The following GALNT18 variants were observed in gnomAD, a reference collection of about 807,000 sequenced individuals.
GALNT18 encodes GalNAc-transferase 18.
A neutral mutation model predicts 69.5 loss-of-function variants in GALNT18; 44 were observed. The observed-to-expected ratio is 0.63, with a 90% CI of 0.50 to 0.81. GALNT18 has a LOEUF of 0.81. GALNT18 is among the 40% of genes least tolerant of loss of function. The probability of loss-of-function intolerance (pLI) is 0.00; values close to 1 mark genes in which losing one functional copy is unlikely to be tolerated. For synonymous variants in GALNT18, 364 were observed against 318.2 expected (o/e 1.14, Z -1.53); for missense variants, 715 against 810.0 (o/e 0.88, Z 1.42).
At chr11:11,280,706 C>T (rs1233446213) in intron 10 of GALNT18, among the ~76,000 whole-genome samples, 1 of 152,204 alleles carries the variant, frequency 6.6e-6, no homozygotes, top group African/African-American at 2.4e-5. Flanking sequence ...CCCCTCAGGA[C>T]TGACCACAGT....
rs1857169902 is a variant in GALNT18 at position 11,511,738 on chromosome 11, A to G, written c.236-62802T>C. Among the ~76,000 whole-genome samples, 4 of 152,150 alleles carry G rather than the reference A, an allele frequency of 2.6e-5. No individual in the cohort carries two copies. The highest frequency in any genetic ancestry group is 2.6e-4 in the Admixed American group (4 of 15,286). On this transcript the variant is annotated intron_variant, in intron 1 of 10. Transcript: ENST00000227756. The surrounding 1 kb of genome is among the most constrained non-coding windows in gnomAD (Gnocchi z 4.9). The stretch of plus-strand genomic sequence containing the variant: ...ATGGTATATTGGTGCCCTTCTAAGA[A>G]GAGGCCAGAGAGCTCTCCCAGTCTC...
intron 3 of GALNT18, among the ~76,000 whole-genome samples, chr11:11,426,257 C>T (rs1488860840): frequency 6.6e-6 from 1 of 152,234 alleles, no homozygotes; most frequent in Non-Finnish European, 1.5e-5. Context: ...TGCCATATCC[C>T]TGGGATGCAA....
intron 1 of GALNT18, among the ~76,000 whole-genome samples, chr11:11,580,286 G>C (rs766285887): frequency 6.6e-6 from 1 of 152,094 alleles, no homozygotes; most frequent in African/African-American, 2.4e-5. Context: ...TTCTCAATCC[G>C]ACAGCAAGGA....
intron 1 of GALNT18, among the ~76,000 whole-genome samples, chr11:11,527,933 G>A (rs988243509): frequency 6.6e-6 from 1 of 152,222 alleles, no homozygotes; most frequent in African/African-American, 2.4e-5. Context: ...CAGGCTGGCA[G>A]CTGGATATTT....
intron 3 of GALNT18, among the ~76,000 whole-genome samples, chr11:11,401,891 C>T (rs1854475970): frequency 6.6e-6 from 1 of 152,162 alleles, no homozygotes; most frequent in Non-Finnish European, 1.5e-5. Flanking sequence ...GAGGTGTGTA[C>T]AGATAGCTAA....
At chr11:11,376,053 G>T (rs969501198) in intron 5 of GALNT18, among the ~76,000 whole-genome samples, 2 of 152,082 alleles carry the variant, frequency 1.3e-5, no homozygotes, top group Non-Finnish European at 2.9e-5. Context: ...GCAGGACTTC[G>T]CAGGGAACAT....
At chr11:11,471,728 G>A (rs982497271) in intron 1 of GALNT18, among the ~76,000 whole-genome samples, 1 of 152,114 alleles carries the variant, frequency 6.6e-6, no homozygotes, top group African/African-American at 2.4e-5. Context: ...ACCTGCCTGG[G>A]GGTACTCAGC....
chr11:11,290,398 A>G (rs995163546), intron 10 of GALNT18, among the ~76,000 whole-genome samples: 1 of 152,072 alleles, frequency 6.6e-6, no homozygotes, highest in African/African-American at 2.4e-5. Context: ...AAAATCCCAG[A>G]CCTAAACATG....
intron 1 of GALNT18, among the ~76,000 whole-genome samples, chr11:11,552,247 C>T (rs1858214806): frequency 6.6e-6 from 1 of 152,220 alleles, no homozygotes; most frequent in African/African-American, 2.4e-5. Flanking sequence ...TGTGGTCACC[C>T]ACCCCTCACC....
At chr11:11,321,702 A>C (rs2133039253) in intron 9 of GALNT18, among the ~76,000 whole-genome samples, 1 of 152,336 alleles carries the variant, frequency 6.6e-6, no homozygotes, top group South Asian at 2.1e-4. Context: ...TCCCAGGTTC[A>C]AGTGATTCTC....
chr11:11,285,985 C>T (rs1241429400), intron 10 of GALNT18, among the ~76,000 whole-genome samples: 1 of 152,180 alleles, frequency 6.6e-6, no homozygotes, highest in Non-Finnish European at 1.5e-5. Flanking sequence ...GAAAATTTCT[C>T]CTTTCCTGGC....
chr11:11,535,213 C>T (rs1251039932), intron 1 of GALNT18, among the ~76,000 whole-genome samples: 1 of 152,190 alleles, frequency 6.6e-6, no homozygotes, highest in Non-Finnish European at 1.5e-5. Context: ...ACCCTGGCCC[C>T]CGGCCAGTTG....
chr11:11,351,273 A>G (rs924232357), intron 6 of GALNT18, among the ~76,000 whole-genome samples: 1 of 152,236 alleles, frequency 6.6e-6, no homozygotes, highest in Non-Finnish European at 1.5e-5. Context: ...GTTCAAACTC[A>G]GAACCAGAGC....
chr11:11,593,603 G>T (rs1859415417), intron 1 of GALNT18, among the ~76,000 whole-genome samples: 2 of 152,128 alleles, frequency 1.3e-5, no homozygotes, highest in South Asian at 2.1e-4. Context: ...ATTTCCAGAG[G>T]CTTCTTATAA....
chr11:11,314,400 T>G lies in GALNT18; in HGVS notation c.1512+12686A>C, dbSNP rs1002469121. On this transcript the variant is annotated intron_variant, in intron 9 of 10. Transcript: ENST00000227756. This position sits in a 1 kb window ranked among gnomAD's most constrained non-coding sequence, Gnocchi z 5.2. ...GCAGCTCCTTTTTTTTTTTTTAGCA[T>G]GGAAGCTGCAGGAGCAGCCCAGAGT... Among the ~76,000 whole-genome samples, 1 of 150,860 alleles carries G rather than the reference T, an allele frequency of 6.6e-6. No individual in the cohort carries two copies. The highest frequency in any genetic ancestry group is 2.4e-5 in the African/African-American group (1 of 40,936).
intron 9 of GALNT18, among the ~76,000 whole-genome samples, chr11:11,301,241 G>A (rs945146752): frequency 6.6e-6 from 1 of 152,188 alleles, no homozygotes; most frequent in African/African-American, 2.4e-5. Context: ...AGAAGGAAGG[G>A]AGCCTTGCTT....
chr11:11,599,937 G>C (rs988394283), intron 1 of GALNT18, among the ~76,000 whole-genome samples: 1 of 151,814 alleles, frequency 6.6e-6, no homozygotes, highest in African/African-American at 2.4e-5. Flanking sequence ...TCTACTTCTT[G>C]AGTTATTTTC....
At position 11,619,633 on chromosome 11, in the gene GALNT18, T is replaced by C. The variant is rs1860138281; in HGVS notation, c.235+1726A>G. On this transcript the variant is annotated intron_variant, in intron 1 of 10. Coordinates refer to ENST00000227756, the MANE Select transcript of GALNT18 (RefSeq NM_198516.3). This position sits in a 1 kb window ranked among gnomAD's most constrained non-coding sequence, Gnocchi z 4.9. Reference sequence around the variant, plus strand: ...CACACAGAATCTGTGAATGAAAATCTCAAAATCTGTCGGCAAACTAGAAAT... The same window carrying C: ...CACACAGAATCTGTGAATGAAAATCCCAAAATCTGTCGGCAAACTAGAAAT... Among the ~76,000 whole-genome samples, 1 of 152,132 alleles carries C rather than the reference T, an allele frequency of 6.6e-6. No individual in the cohort carries two copies. Among genetic ancestry groups the C allele is most frequent in the Non-Finnish European group, 1.5e-5 (1 of 68,010 alleles).
chr11:11,548,071 C>T (rs955132460), intron 1 of GALNT18, among the ~76,000 whole-genome samples: 14 of 152,206 alleles, frequency 9.2e-5, no homozygotes, highest in African/African-American at 3.1e-4. Flanking sequence ...AACAGCCCTA[C>T]CTCATGATGC....
Sources: gnomAD v4.1 joint callset for allele counts (sites outside exome capture counted in the v4.1 genomes callset) on GRCh38, gnomAD v4.1.1 for gene constraint, Gnocchi (gnomAD v3.1) non-coding constraint, MANE v1.5 for transcripts, NCBI Gene and HGNC (gene_info 2026-07-23, HGNC 2026-07-21) for gene names.